ROBO1: variants seen among roughly 807,000 people sequenced by gnomAD.
ROBO1 encodes the protein roundabout guidance receptor 1, also known as roundabout homolog 1.
In ROBO1, 149 loss-of-function variants were observed where a neutral mutation model predicts 195.9. The ratio of observed to expected loss-of-function variants is 0.76; its 90% CI spans 0.67 to 0.87. The LOEUF (loss-of-function observed/expected upper bound fraction) is 0.87, where lower values mean the gene tolerates loss of function less well. Among genes scored for constraint, ROBO1 ranks in the 40% least tolerant of loss-of-function variants. ROBO1 has a pLI of 0.00. For synonymous variants in ROBO1, 816 were observed against 733.2 expected (o/e 1.11, Z -1.82); for missense variants, 1,933 against 2,068.3 (o/e 0.93, Z 1.27).
chr3:79,193,802 A>G (rs2081584780), intron 2 of ROBO1, among the ~76,000 whole-genome samples: 2 of 151,442 alleles, frequency 1.3e-5, no homozygotes, highest in African/African-American at 2.4e-5. Context: ...GTGTCAAACT[A>G]GTTTGCTAGA....
At chr3:78,856,784 T>C (rs571721669) in intron 4 of ROBO1, among the ~76,000 whole-genome samples, 1 of 151,476 alleles carries the variant, frequency 6.6e-6, no homozygotes, top group Non-Finnish European at 1.5e-5. Flanking sequence ...TTTTATATAT[T>C]TTATATATAC....
At chr3:78,711,343 C>CCTCCTTTCTTT (rs1371623770) in intron 8 of ROBO1, among the ~76,000 whole-genome samples, 1,828 of 101,212 alleles carry the variant, frequency 0.018, 51 homozygotes, top group East Asian at 0.062. Flanking sequence ...TTCCTTCCTT[C>CCTCCTTTCTTT]CTTCCTCCTT....
intron 2 of ROBO1, among the ~76,000 whole-genome samples, chr3:79,524,887 G>C (rs1296342991): frequency 6.6e-6 from 1 of 151,910 alleles, no homozygotes; most frequent in Non-Finnish European, 1.5e-5. Context: ...AAATAAAATA[G>C]TTGAAAATTA....
chr3:79,592,928 G>A (rs1472796145), intron 1 of ROBO1, among the ~76,000 whole-genome samples: 1 of 151,920 alleles, frequency 6.6e-6, no homozygotes, highest in Non-Finnish European at 1.5e-5. Flanking sequence ...AGAAACTGCT[G>A]ATCTGTTTGT....
chr3:79,570,445 C>G (rs1184272390), intron 2 of ROBO1, among the ~76,000 whole-genome samples: 1 of 152,056 alleles, frequency 6.6e-6, no homozygotes, highest in Non-Finnish European at 1.5e-5. Flanking sequence ...TCATAACATG[C>G]AGAAAGGAGG....
At chr3:79,064,254 GA>G (rs1172924065) in intron 3 of ROBO1, among the ~76,000 whole-genome samples, 1 of 151,648 alleles carries the variant, frequency 6.6e-6, no homozygotes, top group Non-Finnish European at 1.5e-5. Flanking sequence ...TATTAGGTCT[GA>G]AAAAAATAGC....
chr3:79,587,154 C>T (rs1353561152), intron 2 of ROBO1, among the ~76,000 whole-genome samples: 1 of 151,450 alleles, frequency 6.6e-6, no homozygotes, highest in African/African-American at 2.4e-5. Context: ...ATATACCAAC[C>T]ATTTCATTTG....
At chr3:79,227,601 T>C (rs1017265414) in intron 2 of ROBO1, among the ~76,000 whole-genome samples, 7 of 152,140 alleles carry the variant, frequency 4.6e-5, no homozygotes, top group Admixed American at 3.3e-4. Flanking sequence ...TCATCTCTGG[T>C]TCTGACCTCC....
chr3:79,560,284 C>CA (rs555819250), intron 2 of ROBO1, among the ~76,000 whole-genome samples: 2,695 of 145,600 alleles, frequency 0.019, 99 homozygotes, highest in African/African-American at 0.064. Flanking sequence ...ATCGCAAGGA[C>CA]AAAAAACCAA....
chr3:78,793,194 T>G (rs2084078416), intron 4 of ROBO1, among the ~76,000 whole-genome samples: 1 of 151,538 alleles, frequency 6.6e-6, no homozygotes, highest in Non-Finnish European at 1.5e-5. Flanking sequence ...GAGTCTTAAA[T>G]TTGCTAAGTT....
chr3:79,623,034 T>C (rs993039662), intron 1 of ROBO1, among the ~76,000 whole-genome samples: 2 of 152,096 alleles, frequency 1.3e-5, no homozygotes, highest in African/African-American at 2.4e-5. Context: ...ATCAGATGAA[T>C]GGGGCCTGAC....
intron 1 of ROBO1, among the ~76,000 whole-genome samples, chr3:79,598,122 T>G (rs920754150): frequency 6.6e-6 from 1 of 152,106 alleles, no homozygotes; most frequent in Non-Finnish European, 1.5e-5. Flanking sequence ...ATATCACAAA[T>G]GTGGTAATTT....
intron 3 of ROBO1, among the ~76,000 whole-genome samples, chr3:78,961,560 C>G (rs2041347700): frequency 6.6e-6 from 1 of 152,030 alleles, no homozygotes. Context: ...TCATAGTACC[C>G]ACAACATTCT....
intron 3 of ROBO1, among the ~76,000 whole-genome samples, chr3:79,027,827 T>C (rs2078227634): frequency 6.6e-6 from 1 of 152,040 alleles, no homozygotes; most frequent in South Asian, 2.1e-4. Context: ...AGAATTTCAC[T>C]TGTAACACCA....
At chr3:79,621,709 A>T (rs1283405855) in intron 1 of ROBO1, among the ~76,000 whole-genome samples, 1 of 152,194 alleles carries the variant, frequency 6.6e-6, no homozygotes, top group African/African-American at 2.4e-5. Context: ...CAGAGGAGCA[A>T]ATGCTAAGGG....
intron 14 of ROBO1, among the ~76,000 whole-genome samples, chr3:78,664,151 T>C (rs1380408443): frequency 6.6e-6 from 1 of 152,176 alleles, no homozygotes; most frequent in South Asian, 2.1e-4. Context: ...TATGAATTGA[T>C]CCTGTTACTG....
intron 2 of ROBO1, among the ~76,000 whole-genome samples, chr3:79,440,867 C>G (rs1341720763): frequency 6.6e-6 from 1 of 152,034 alleles, no homozygotes; most frequent in Admixed American, 6.6e-5. Context: ...ATGCGGAGGG[C>G]TTCGGATGCC....
chr3:79,179,190 G>T (rs2081301989), intron 2 of ROBO1, among the ~76,000 whole-genome samples: 1 of 152,160 alleles, frequency 6.6e-6, no homozygotes, highest in Non-Finnish European at 1.5e-5. Context: ...TAACCATTCA[G>T]TTTAAAATGG....
intron 4 of ROBO1, among the ~76,000 whole-genome samples, chr3:78,882,591 A>G (rs1260155832): frequency 1.3e-5 from 2 of 152,184 alleles, no homozygotes; most frequent in Non-Finnish European, 2.9e-5. Context: ...CGGGGATCAT[A>G]CATGTTATCC....
Sources: allele counts gnomAD v4.1 joint callset (sites outside exome capture counted in the v4.1 genomes callset), GRCh38; gene constraint gnomAD v4.1.1; transcripts MANE v1.5; gene names NCBI Gene and HGNC (gene_info 2026-07-23, HGNC 2026-07-21).